The following ZNF516 variants were observed in gnomAD, a reference collection of about 807,000 sequenced individuals.
ZNF516 encodes the protein zinc finger protein 516.
ZNF516 carries 19 observed loss-of-function variants against 79.7 expected under a neutral mutation model. The observed-to-expected ratio is 0.24, with a 90% confidence interval of 0.17 to 0.35. The LOEUF is 0.35. Among genes scored for constraint, ZNF516 ranks in the 10% least tolerant of loss-of-function variants. The probability of loss-of-function intolerance (pLI) is 1.00; values close to 1 mark genes in which losing one functional copy is unlikely to be tolerated. For missense variants in ZNF516, 1,678 were observed against 1,679.5 expected (o/e 1.00, Z 0.02); for synonymous variants, 877 against 739.5 (o/e 1.19, Z -3.02).
In ZNF516 at chr18:76,360,642, A is replaced by ATATATATATAT. The variant is rs1269370085; in HGVS notation, c.*1855_*1856insATATATATATA. 8.1e-4 allele frequency: 87 copies of ATATATATATAT among 106,960 alleles called. No homozygotes were observed. Among genetic ancestry groups the ATATATATATAT allele is most frequent in the Non-Finnish European group, 1.6e-3 (78 of 50,056 alleles). The allele number at this position is 106,960 out of a possible 1,614,324, so 6.6% of individuals were successfully genotyped here. ...TCAGAAAAAAATAAGTAAAAAAAAA[A>ATATATATATAT]AAAAATATATATATATATATATATA... is the stretch of plus-strand genomic sequence containing the variant. On this transcript the variant is annotated 3_prime_UTR_variant, in exon 7 of 7. Transcript: ENST00000443185.
At chr18:76,374,156 T>C (rs2074750215) in intron 4 of ZNF516, among the ~76,000 whole-genome samples, 1 of 152,250 alleles carries the variant, frequency 6.6e-6, no homozygotes, top group South Asian at 2.1e-4. Flanking sequence ...GAAGGCCTCC[T>C]TGGTATAAAT....
At chr18:76,456,060 A>G (rs1030773084) in intron 2 of ZNF516, among the ~76,000 whole-genome samples, 2 of 152,236 alleles carry the variant, frequency 1.3e-5, no homozygotes, top group African/African-American at 4.8e-5. Context: ...GGACCCATCA[A>G]TAATGAGATG....
chr18:76,403,055 C>A (rs778345459), intron 3 of ZNF516, among the ~76,000 whole-genome samples: 1 of 152,234 alleles, frequency 6.6e-6, no homozygotes, highest in Admixed American at 6.5e-5. Flanking sequence ...AGGCCAGAAA[C>A]CACCAAAGGC....
chr18:76,424,213 T>A lies in ZNF516; in HGVS notation c.1810+17032A>T, dbSNP rs71354500. Among the ~76,000 whole-genome samples, 2 of 14,370 alleles carry A rather than the reference T, an allele frequency of 1.4e-4. 1 individual carries two copies. Among genetic ancestry groups the A allele is most frequent in the East Asian group, 4.1e-3 (2 of 484 alleles). 9.4% of individuals were successfully genotyped at this position (14,370 alleles called of 152,430 possible). A position where few individuals can be genotyped will look rare whatever the true frequency, so the allele number is the denominator to read the frequency against. ...GAAAAGGCTCCCCCGAAACACACAC[T>A]CAGGTGAAAAGGTTCCCCCGAAACA... On this transcript the variant is annotated intron_variant, in intron 3 of 6. Transcript: ENST00000443185.
chr18:76,357,969 G>A lies in ZNF516; in HGVS notation c.*4529C>T, dbSNP rs1184070900. Among the ~76,000 whole-genome samples, 1 of 152,150 alleles carries A rather than the reference G, an allele frequency of 6.6e-6. No individual in the cohort carries two copies. The highest frequency in any genetic ancestry group is 1.5e-5 in the Non-Finnish European group (1 of 68,030). On this transcript the variant is annotated 3_prime_UTR_variant, in exon 7 of 7. Transcript: ENST00000443185. Reference sequence around the variant, plus strand: ...CAGCGTCTCCATTAAAAAACTGTATGTCCTCGAGTCCACAAAAGAGTTGGA... The same window carrying A: ...CAGCGTCTCCATTAAAAAACTGTATATCCTCGAGTCCACAAAAGAGTTGGA...
At chr18:76,466,174 G>A (rs530134610) in intron 1 of ZNF516, among the ~76,000 whole-genome samples, 130 of 152,192 alleles carry the variant, frequency 8.5e-4, no homozygotes, top group Non-Finnish European at 1.5e-3. Context: ...TTCAGGCTCC[G>A]GGAGAGATTT....
At chr18:76,454,457 T>C (rs1912601407) in intron 2 of ZNF516, among the ~76,000 whole-genome samples, 1 of 152,262 alleles carries the variant, frequency 6.6e-6, no homozygotes, top group South Asian at 2.1e-4. Flanking sequence ...AATGCTTTAC[T>C]ATATATAGCA....
chr18:76,442,530 C>T lies in ZNF516; in HGVS notation c.525G>A (p.Gln175=). The part of the protein sequence containing the change: ...CAPGEAKAAV[Q]CSFCKSQFER... The stretch of plus-strand genomic sequence containing the variant: ...CGAACTGGCTCTTGCAGAAGGAGCA[C>T]TGGACCGCTGCCTTGGCCTCCCCCG... The change falls in exon 3 of 7, where the codon CAG becomes CAA. Residue 175 remains glutamine (Q), a synonymous_variant. Coordinates refer to ENST00000443185, the MANE Select transcript of ZNF516 (RefSeq NM_014643.4). 6.2e-7 allele frequency: 1 copy of T among 1,600,202 alleles called. No individual in the cohort carries two copies. The highest frequency in any genetic ancestry group is 8.5e-7 in the Non-Finnish European group (1 of 1,179,532).
intron 3 of ZNF516, among the ~76,000 whole-genome samples, chr18:76,381,426 G>A (rs17059318): frequency 0.03 from 4,501 of 152,190 alleles, 170 homozygotes; most frequent in African/African-American, 0.084. Context: ...CCATGTCTCC[G>A]TATAAGGCCC....
intron 3 of ZNF516, among the ~76,000 whole-genome samples, chr18:76,425,696 T>C (rs1451194065): frequency 6.6e-6 from 1 of 152,236 alleles, no homozygotes; most frequent in Non-Finnish European, 1.5e-5. Context: ...GAGCTGTGTC[T>C]TTTGTCAACA....
At chr18:76,454,135 G>A (rs558716751) in intron 2 of ZNF516, among the ~76,000 whole-genome samples, 2 of 152,208 alleles carry the variant, frequency 1.3e-5, no homozygotes, top group African/African-American at 4.8e-5. Flanking sequence ...TAAGCCATAA[G>A]GCATTCTGTT....
intron 3 of ZNF516, among the ~76,000 whole-genome samples, chr18:76,406,946 G>C (rs1194557554): frequency 6.6e-6 from 1 of 150,450 alleles, no homozygotes; most frequent in Non-Finnish European, 1.5e-5. Context: ...CTCCTGCCTG[G>C]GGCTATCTTA....
chr18:76,490,493 T>C (rs1915108210), intron 1 of ZNF516, among the ~76,000 whole-genome samples: 1 of 152,228 alleles, frequency 6.6e-6, no homozygotes, highest in Admixed American at 6.5e-5. Context: ...CATGCATGCC[T>C]AGCTCTTTTA....
rs1045394705 is a variant in ZNF516 at position 76,441,801 on chromosome 18, G to C, written c.1254C>G (p.Ala418=). 2.3e-5 allele frequency: 36 copies of C among 1,561,266 alleles called. No homozygotes were observed. The highest frequency in any genetic ancestry group is 3.0e-5 in the Non-Finnish European group (35 of 1,160,330). The change falls in exon 3 of 7, where the codon GCC becomes GCG. Residue 418 remains alanine, a synonymous_variant. Coordinates refer to ENST00000443185, the MANE Select transcript of ZNF516 (RefSeq NM_014643.4). The part of the protein sequence containing the change: ...AELDPVNSYQ[A]WQLATRGKVA... ...CCTTACCCCGCGTGGCCAGCTGCCA[G>C]GCCTGGTAGCTGTTGACCGGGTCCA...
chr18:76,377,327 A>C (rs1254865230), intron 4 of ZNF516, among the ~76,000 whole-genome samples: 1 of 152,282 alleles, frequency 6.6e-6, no homozygotes, highest in African/African-American at 2.4e-5. Flanking sequence ...TAAAAAGTTC[A>C]CAAGTGCTCA....
chr18:76,427,512 A>G (rs1274806954), intron 3 of ZNF516, among the ~76,000 whole-genome samples: 1 of 152,268 alleles, frequency 6.6e-6, no homozygotes, highest in Admixed American at 6.5e-5. Flanking sequence ...GAGGTTTTAC[A>G]TGGGTTAACA....
In ZNF516 at chr18:76,395,450, G is replaced by C. The variant is rs1008383424; in HGVS notation, c.1811-15147C>G. 5.3e-5 allele frequency among the ~76,000 whole-genome samples: 8 copies of C among 152,314 alleles called. No individual in the cohort carries two copies. In the East Asian group the frequency reaches 9.6e-4, roughly 18 times the overall value. On this transcript the variant is annotated intron_variant, in intron 3 of 6. Coordinates refer to ENST00000443185, the MANE Select transcript of ZNF516 (RefSeq NM_014643.4). ...TCCAAGACTCACATGCAATGAGACA[G>C]TGCACAGGAAACTGCTAAAAAGCAT... is the stretch of plus-strand genomic sequence containing the variant.
At chr18:76,428,027 C>T (rs1322197025) in intron 3 of ZNF516, among the ~76,000 whole-genome samples, 1 of 152,186 alleles carries the variant, frequency 6.6e-6, no homozygotes. Flanking sequence ...TTATTACATT[C>T]AAACAGGCAG....
chr18:76,443,102 C>T lies in ZNF516; in HGVS notation c.-48G>A, dbSNP rs910488109. 1.2e-5 allele frequency: 18 copies of T among 1,529,470 alleles called. No homozygotes were observed. The highest frequency in any genetic ancestry group is 1.9e-4 in the Middle Eastern group (1 of 5,196). The allele number at this position is 1,529,470 out of a possible 1,614,324, so 94.7% of individuals were successfully genotyped here. The stretch of plus-strand genomic sequence containing the variant: ...GGTGGCGGCACAGCTTTCTGTCGCG[C>T]GGGCTGCAGGGACCGTCCTATCTCT... On this transcript the variant is annotated 5_prime_UTR_variant, in exon 3 of 7. Coordinates refer to ENST00000443185, the MANE Select transcript of ZNF516 (RefSeq NM_014643.4).
Sources: allele counts gnomAD v4.1 joint callset (sites outside exome capture counted in the v4.1 genomes callset), GRCh38; gene constraint gnomAD v4.1.1; transcripts MANE v1.5; gene names NCBI Gene and HGNC (gene_info 2026-07-23, HGNC 2026-07-21).